Variants in COL10A1 observed in about 807,000 individuals in gnomAD.
COL10A1 encodes the protein collagen alpha-1(X) chain.
In COL10A1, 10 loss-of-function variants were observed where a neutral mutation model predicts 18.2. That is an observed-to-expected ratio of 0.55 (90% confidence interval 0.34 to 0.93). The LOEUF is 0.93. Among genes scored for constraint, COL10A1 ranks in the 40% least tolerant of loss-of-function variants. The pLI is 0.02. For synonymous variants in COL10A1, 330 were observed against 316.6 expected (o/e 1.04, Z -0.45); for missense variants, 897 against 853.5 (o/e 1.05, Z -0.64).
At chr6:116,188,593 G>C in the COL10A1 span, among the ~76,000 whole-genome samples, 1 of 151,896 alleles carries the variant, frequency 6.6e-6, no homozygotes, top group African/African-American at 2.4e-5. Context: ...GGTTACACTA[G>C]AGCATAATTA....
intron 1 of COL10A1, among the ~76,000 whole-genome samples, chr6:116,147,984 CAA>C (rs1445896372): frequency 9.2e-6 from 1 of 109,120 alleles, no homozygotes. Flanking sequence ...GACTCTGTCT[CAA>C]AAAAAAAAAA....
intron 1 of COL10A1, among the ~76,000 whole-genome samples, chr6:116,141,860 G>A (rs1354913399): frequency 1.4e-5 from 2 of 137,944 alleles, no homozygotes; most frequent in African/African-American, 5.7e-5. Context: ...TCTTATTTCA[G>A]TAAAAGATTT....
At chr6:116,214,340 A>G in the COL10A1 span, among the ~76,000 whole-genome samples, 1 of 152,164 alleles carries the variant, frequency 6.6e-6, no homozygotes, top group African/African-American at 2.4e-5. Flanking sequence ...ACTTAAAAAG[A>G]TTTTTACTTA....
At chr6:116,174,072 G>C in the COL10A1 span, among the ~76,000 whole-genome samples, 1 of 152,142 alleles carries the variant, frequency 6.6e-6, no homozygotes, top group Non-Finnish European at 1.5e-5. Context: ...TGCAGTTGTG[G>C]TTCACTTCAC....
chr6:116,161,890 A>G (rs1780341335), upstream of COL10A1, among the ~76,000 whole-genome samples: 2 of 152,126 alleles, frequency 1.3e-5, no homozygotes. Flanking sequence ...TGTTTGTGTC[A>G]TCTACAGTTT....
chr6:116,120,050 AT>A lies in COL10A1; in HGVS notation c.*22del. On this transcript the variant is annotated 3_prime_UTR_variant, in exon 3 of 3. Coordinates refer to ENST00000651968, the MANE Select transcript of COL10A1 (RefSeq NM_000493.4). ...TAGAGAATGCTTTTTCTAGCACAAG[AT>A]TTAGATTAGCTCTGTGTGTACTCAC... 8.6e-6 allele frequency: 13 copies of A among 1,506,706 alleles called. No individual in the cohort carries two copies. Among genetic ancestry groups the A allele is most frequent in the Non-Finnish European group, 1.1e-5 (13 of 1,133,192 alleles). 93.3% of individuals were successfully genotyped at this position (1,506,706 alleles called of 1,614,324 possible). A position where few individuals can be genotyped will look rare whatever the true frequency, so the allele number is the denominator to read the frequency against.
At chr6:116,193,184 T>C in the COL10A1 span, among the ~76,000 whole-genome samples, 47 of 152,212 alleles carry the variant, frequency 3.1e-4, no homozygotes, top group Non-Finnish European at 5.0e-4. Flanking sequence ...TTAGTTTATT[T>C]GTGTTTTACT....
intron 1 of COL10A1, among the ~76,000 whole-genome samples, chr6:116,142,140 G>C (rs1016384288): frequency 6.6e-6 from 1 of 151,910 alleles, no homozygotes; most frequent in African/African-American, 2.4e-5. Flanking sequence ...GGAACTAAAT[G>C]GATACTCTTT....
At chr6:116,186,605 T>G in the COL10A1 span, among the ~76,000 whole-genome samples, 1 of 152,042 alleles carries the variant, frequency 6.6e-6, no homozygotes, top group Non-Finnish European at 1.5e-5. Flanking sequence ...CTTTGTTGGA[T>G]TGAGTTAATT....
the COL10A1 span, among the ~76,000 whole-genome samples, chr6:116,173,111 T>G: frequency 1.3e-5 from 2 of 152,172 alleles, no homozygotes; most frequent in Non-Finnish European, 2.9e-5. Context: ...GGTGATCCAT[T>G]ATGGAGATAA....
chr6:116,185,909 A>G, the COL10A1 span, among the ~76,000 whole-genome samples: 2 of 151,968 alleles, frequency 1.3e-5, no homozygotes, highest in Admixed American at 6.6e-5. Flanking sequence ...TTCATCCTGC[A>G]AGTTGTTTCC....
At chr6:116,167,795 T>C in the COL10A1 span, among the ~76,000 whole-genome samples, 9 of 152,334 alleles carry the variant, frequency 5.9e-5, no homozygotes, top group South Asian at 1.9e-3. Context: ...TGAATAGATA[T>C]GATTGTTTAG....
At chr6:116,189,106 A>G in the COL10A1 span, among the ~76,000 whole-genome samples, 2 of 152,002 alleles carry the variant, frequency 1.3e-5, no homozygotes, top group South Asian at 4.1e-4. Flanking sequence ...TAATTATTTT[A>G]ATCAAGTTGA....
chr6:116,172,317 C>CTTT, the COL10A1 span, among the ~76,000 whole-genome samples: 263 of 107,982 alleles, frequency 2.4e-3, 1 homozygote, highest in Middle Eastern at 5.6e-3. Flanking sequence ...CCCTTAGTAA[C>CTTT]TTTTTTTTTT....
chr6:116,160,657 C>T (rs892629269), upstream of COL10A1, among the ~76,000 whole-genome samples: 18 of 152,102 alleles, frequency 1.2e-4, no homozygotes, highest in Non-Finnish European at 2.1e-4. Context: ...GGTTTTGTTG[C>T]ATTTGTTGTT....
the COL10A1 span, among the ~76,000 whole-genome samples, chr6:116,215,436 A>G: frequency 6.6e-6 from 1 of 152,134 alleles, no homozygotes. Flanking sequence ...TGAGCTTTCA[A>G]CCTGGTAAGA....
At chr6:116,198,270 C>T in the COL10A1 span, among the ~76,000 whole-genome samples, 30 of 152,034 alleles carry the variant, frequency 2.0e-4, no homozygotes, top group Non-Finnish European at 4.0e-4. Context: ...CTATTCCACA[C>T]AGCTTGATCC....
At chr6:116,186,911 C>A in the COL10A1 span, among the ~76,000 whole-genome samples, 2 of 151,976 alleles carry the variant, frequency 1.3e-5, no homozygotes, top group Non-Finnish European at 2.9e-5. Flanking sequence ...TGCTGGTGAG[C>A]TAGTGTTATC....
the COL10A1 span, among the ~76,000 whole-genome samples, chr6:116,201,282 A>G: frequency 6.6e-6 from 1 of 152,062 alleles, no homozygotes; most frequent in Non-Finnish European, 1.5e-5. Flanking sequence ...ATTATAACTA[A>G]CTGTGTAATT....
Sources: gnomAD v4.1 joint callset for allele counts (sites outside exome capture counted in the v4.1 genomes callset) on GRCh38, gnomAD v4.1.1 for gene constraint, MANE v1.5 for transcripts, NCBI Gene and HGNC (gene_info 2026-07-23, HGNC 2026-07-21) for gene names.